The following MYO1D variants were observed in gnomAD, a reference collection of about 807,000 sequenced individuals.
MYO1D encodes unconventional myosin-Id.
In MYO1D, 83 loss-of-function variants were observed where a neutral mutation model predicts 122.0. The ratio of observed to expected loss-of-function variants is 0.68; its 90% CI spans 0.57 to 0.82. The LOEUF is 0.82. MYO1D is among the 40% of genes least tolerant of loss of function. MYO1D has a pLI of 0.00. For missense variants in MYO1D, 1,157 were observed against 1,269.5 expected, an observed-to-expected ratio of 0.91 and a Z score of 1.35; for synonymous variants, 464 against 446.9, an observed-to-expected ratio of 1.04 and a Z score of -0.48.
chr17:32,713,909 C>A (rs535551517), intron 15 of MYO1D, among the ~76,000 whole-genome samples: 155 of 152,178 alleles, frequency 1.0e-3, no homozygotes, highest in Non-Finnish European at 1.9e-3. Context: ...TAGGCAAGAG[C>A]CACTGCACTC....
intron 21 of MYO1D, among the ~76,000 whole-genome samples, chr17:32,577,898 C>T (rs1309088809): frequency 1.3e-5 from 2 of 152,156 alleles, no homozygotes; most frequent in East Asian, 3.9e-4. Flanking sequence ...GCCACCACGC[C>T]TGGCTAATTT....
intron 21 of MYO1D, among the ~76,000 whole-genome samples, chr17:32,548,706 AT>A (rs1174005077): frequency 2.8e-5 from 4 of 140,538 alleles, no homozygotes; most frequent in Admixed American, 7.5e-5. Flanking sequence ...TTTTTAAATT[AT>A]TTTTTGGTCT....
At chr17:32,608,759 C>T (rs1178109038) in intron 20 of MYO1D, among the ~76,000 whole-genome samples, 1 of 152,206 alleles carries the variant, frequency 6.6e-6, no homozygotes, top group Non-Finnish European at 1.5e-5. Context: ...AAATATCCAG[C>T]AGCATGTGCA....
intron 4 of MYO1D, among the ~76,000 whole-genome samples, chr17:32,774,814 T>C (rs1157251740): frequency 6.6e-6 from 1 of 152,166 alleles, no homozygotes; most frequent in Non-Finnish European, 1.5e-5. Flanking sequence ...AAAATAAAGA[T>C]TATACTTCAT....
At chr17:32,771,031 A>G in intron 6 of MYO1D, 94 bp downstream of exon 6, 1 of 874,110 alleles carries the variant, frequency 1.1e-6, no homozygotes, top group East Asian at 2.6e-5. Flanking sequence ...TTATTTGCCT[A>G]AAGATAGCAG....
chr17:32,765,144 T>C, intron 7 of MYO1D, 63 bp from the exon 8 acceptor site: 2 of 1,375,570 alleles, frequency 1.5e-6, no homozygotes, highest in Non-Finnish European at 2.0e-6. Context: ...TATTTGCCAA[T>C]ATAAAATACA....
rs532853698 is a variant in MYO1D, at chr17:32,822,411, G to GCCGT, written c.96-41631_96-41628dup. Among the ~76,000 whole-genome samples the GCCGT allele has an allele frequency of 7.1e-3, 1,080 of 151,788 alleles. 15 individuals are homozygous for GCCGT. Among genetic ancestry groups the GCCGT allele is most frequent in the African/African-American group, 0.024 (1,009 of 41,378 alleles). On this transcript the variant is annotated intron_variant, in intron 1 of 21. Transcript: ENST00000318217. ...AGGGGGGAGGGATAACGCGTCCAGC[G>GCCGT]CCGTCCGTCCGTTCGTCTTCCTCCC... is the stretch of plus-strand genomic sequence containing the variant.
intron 21 of MYO1D, among the ~76,000 whole-genome samples, chr17:32,595,501 AAAGGG>A (rs1172549976): frequency 6.6e-6 from 1 of 152,194 alleles, no homozygotes; most frequent in Non-Finnish European, 1.5e-5. Flanking sequence ...AGGTATTCAT[AAAGGG>A]AAGGAAACTA....
At chr17:32,532,296 C>T (rs1910528494) in intron 21 of MYO1D, among the ~76,000 whole-genome samples, 1 of 152,348 alleles carries the variant, frequency 6.6e-6, no homozygotes, top group South Asian at 2.1e-4. Context: ...TTTATATCTG[C>T]CGCCTCAAGC....
intron 20 of MYO1D, among the ~76,000 whole-genome samples, chr17:32,620,087 T>A (rs932770937): frequency 6.6e-6 from 1 of 152,212 alleles, no homozygotes; most frequent in African/African-American, 2.4e-5. Context: ...TCAACATGGC[T>A]TCCATTGACA....
intron 1 of MYO1D, among the ~76,000 whole-genome samples, chr17:32,806,052 A>G (rs1419432551): frequency 2.0e-5 from 3 of 152,128 alleles, no homozygotes; most frequent in South Asian, 2.1e-4. Flanking sequence ...AGGTCAGGAG[A>G]TTGAGACCAT....
At chr17:32,495,217 A>G (rs2150848669) in intron 21 of MYO1D, among the ~76,000 whole-genome samples, 1 of 152,338 alleles carries the variant, frequency 6.6e-6, no homozygotes. Context: ...GCTGAGGACC[A>G]AGCCCCTGGG....
At chr17:32,554,137 T>C (rs2087047069) in intron 21 of MYO1D, among the ~76,000 whole-genome samples, 1 of 152,188 alleles carries the variant, frequency 6.6e-6, no homozygotes, top group Non-Finnish European at 1.5e-5. Flanking sequence ...CTCTGTTCAA[T>C]ATGTTCTTTC....
chr17:32,846,867 G>A (rs1007060264), intron 1 of MYO1D, among the ~76,000 whole-genome samples: 2 of 152,058 alleles, frequency 1.3e-5, no homozygotes, highest in African/African-American at 2.4e-5. Context: ...TGTGCCTGAA[G>A]TTCAAGCTAC....
intron 21 of MYO1D, among the ~76,000 whole-genome samples, chr17:32,546,429 C>T (rs1176161779): frequency 2.6e-5 from 4 of 152,194 alleles, no homozygotes; most frequent in South Asian, 2.1e-4. Context: ...AGAGCCATCA[C>T]GACTGTGAGC....
rs1333066247 is a variant in MYO1D at position 32,638,756 on chromosome 17, T to C, written c.2675A>G (p.Gln892Arg). 6.2e-7 allele frequency: 1 copy of C among 1,613,696 alleles called. No individual in the cohort carries two copies. The highest frequency in any genetic ancestry group is 2.2e-5 in the East Asian group (1 of 44,836). Residue 892 changes from glutamine (Q) to arginine (R), a missense_variant, in exon 20 of 22, where the codon CAG (glutamine) becomes CGG (arginine). Transcript: ENST00000318217. ...AGGGATAGTCTTCATCACCTTGTAC[T>C]GTTTAGTGGGATCCATTTTATACAG... ...RHLYKMDPTK[Q>R]YKVMKTIPLY...
chr17:32,831,833 T>C (rs1010659027), intron 1 of MYO1D, among the ~76,000 whole-genome samples: 2 of 152,232 alleles, frequency 1.3e-5, no homozygotes, highest in African/African-American at 4.8e-5. Flanking sequence ...GCTGCTTTCA[T>C]TTCCTGGAAT....
chr17:32,801,264 T>G (rs1335583299), intron 1 of MYO1D, among the ~76,000 whole-genome samples: 1 of 152,238 alleles, frequency 6.6e-6, no homozygotes, highest in African/African-American at 2.4e-5. Context: ...CTACTAATAT[T>G]CTTATTTTAA....
intron 16 of MYO1D, among the ~76,000 whole-genome samples, chr17:32,679,331 GC>G (rs1213012631): frequency 6.6e-6 from 1 of 151,802 alleles, no homozygotes. Flanking sequence ...TGAAGTCCTT[GC>G]CCACGCCTAT....
Sources: allele counts gnomAD v4.1 joint callset (sites outside exome capture counted in the v4.1 genomes callset), GRCh38; gene constraint gnomAD v4.1.1; transcripts MANE v1.5; gene names NCBI Gene and HGNC (gene_info 2026-07-23, HGNC 2026-07-21).